Variants in NAALADL2 observed in about 807,000 individuals in gnomAD.
NAALADL2 encodes N-acetylated alpha-linked acidic dipeptidase like 2, also known as inactive N-acetylated-alpha-linked acidic dipeptidase-like protein 2.
In NAALADL2, 76 loss-of-function variants were observed where a neutral mutation model predicts 87.2. The observed-to-expected ratio is 0.87, with a 90% CI of 0.72 to 1.05. The LOEUF (loss-of-function observed/expected upper bound fraction) is 1.05. Ranked by LOEUF, NAALADL2 falls within the 50% of genes least tolerant of loss-of-function variation. NAALADL2 has a pLI of 0.00. For synonymous variants in NAALADL2, 354 were observed against 331.0 expected, an observed-to-expected ratio of 1.07 and a Z score of -0.75; for missense variants, 1,089 against 945.8, an observed-to-expected ratio of 1.15 and a Z score of -1.99.
chr3:174,598,708 C>T (rs1305677007), intron 2 of NAALADL2, among the ~76,000 whole-genome samples: 1 of 152,048 alleles, frequency 6.6e-6, no homozygotes. Context: ...TAGATTTGGA[C>T]AGCAAAAGTT....
At chr3:174,658,664 C>T (rs1396839245) in intron 2 of NAALADL2, among the ~76,000 whole-genome samples, 1 of 151,938 alleles carries the variant, frequency 6.6e-6, no homozygotes, top group Non-Finnish European at 1.5e-5. Context: ...TTAGCTTATA[C>T]TTTACTTTTA....
chr3:174,963,971 A>G (rs971842239), intron 1 of NAALADL2, among the ~76,000 whole-genome samples: 4 of 152,110 alleles, frequency 2.6e-5, no homozygotes, highest in East Asian at 1.9e-4. Flanking sequence ...AAGGAATCTA[A>G]GCATGGAATG....
At chr3:174,868,040 T>C (rs987907933) in intron 1 of NAALADL2, among the ~76,000 whole-genome samples, 1 of 152,018 alleles carries the variant, frequency 6.6e-6, no homozygotes, top group Non-Finnish European at 1.5e-5. Context: ...TTGGTTCTTA[T>C]TGGTAACAGG....
intron 2 of NAALADL2, among the ~76,000 whole-genome samples, chr3:174,628,621 T>C (rs1396626171): frequency 6.6e-6 from 1 of 152,192 alleles, no homozygotes; most frequent in African/African-American, 2.4e-5. Flanking sequence ...TTTATCAAGG[T>C]ATTCCCATAG....
intron 13 of NAALADL2, among the ~76,000 whole-genome samples, chr3:175,757,636 A>G (rs1747441541): frequency 6.6e-6 from 1 of 152,088 alleles, no homozygotes; most frequent in South Asian, 2.1e-4. Flanking sequence ...CATTATTATA[A>G]TAAGAGATAT....
chr3:174,858,185 AT>A (rs1482790814), upstream of NAALADL2, among the ~76,000 whole-genome samples: 1 of 148,088 alleles, frequency 6.8e-6, no homozygotes, highest in Non-Finnish European at 1.5e-5. Context: ...ATAATATATA[AT>A]TTGTAAAATA....
chr3:175,720,013 T>C (rs1234081976), intron 11 of NAALADL2, among the ~76,000 whole-genome samples: 2 of 152,214 alleles, frequency 1.3e-5, no homozygotes, highest in Non-Finnish European at 2.9e-5. Context: ...TACTTTCTAA[T>C]ATAAACTTGG....
At chr3:175,749,614 G>C (rs1023957439) in intron 12 of NAALADL2, among the ~76,000 whole-genome samples, 2 of 152,164 alleles carry the variant, frequency 1.3e-5, no homozygotes, top group African/African-American at 4.8e-5. Flanking sequence ...ACCCATAAAA[G>C]CAGAGCCCCC....
At chr3:174,775,814 A>G (rs1715139895) in intron 3 of NAALADL2, among the ~76,000 whole-genome samples, 1 of 152,146 alleles carries the variant, frequency 6.6e-6, no homozygotes, top group Non-Finnish European at 1.5e-5. Flanking sequence ...TTGAGGCAGA[A>G]CCAGATAAAG....
At chr3:175,068,681 GTGAAAA>G (rs1186007334) in intron 1 of NAALADL2, among the ~76,000 whole-genome samples, 1 of 152,216 alleles carries the variant, frequency 6.6e-6, no homozygotes, top group East Asian at 1.9e-4. Context: ...AACTCTGGTA[GTGAAAA>G]TGAAAATGAA....
At chr3:174,873,293 C>T (rs994541116) in intron 1 of NAALADL2, among the ~76,000 whole-genome samples, 22 of 151,894 alleles carry the variant, frequency 1.4e-4, no homozygotes, top group Non-Finnish European at 2.5e-4. Flanking sequence ...CTCGCTCTGT[C>T]GCCCAGGCTG....
chr3:175,181,797 G>GTA lies in NAALADL2; in HGVS notation c.546-52126_546-52125dup, dbSNP rs767734290. 2.6e-4 allele frequency among the ~76,000 whole-genome samples: 35 copies of GTA among 134,224 alleles called. 2 individuals carry two copies. The highest frequency in any genetic ancestry group is 1.3e-4 in the Non-Finnish European group (8 of 63,394). 88.1% of individuals were successfully genotyped at this position (134,224 alleles called of 152,430 possible). On this transcript the variant is annotated intron_variant, in intron 2 of 13. Coordinates refer to ENST00000454872, the MANE Select transcript of NAALADL2 (RefSeq NM_207015.3). The stretch of plus-strand genomic sequence containing the variant: ...TATATATGTATATATATGTGTGTGT[G>GTA]TATATATATGTATATATATATTCAC...
In NAALADL2 at chr3:174,470,818, C is replaced by T. The variant is rs371223767; in HGVS notation, c.-184+29786C>T. Among the ~76,000 whole-genome samples the T allele has an allele frequency of 4.6e-5, 7 of 152,116 alleles. No individual in the cohort carries two copies. The East Asian group carries it at 1.2e-3, about 25-fold the overall frequency. On this transcript the variant is annotated intron_variant, in intron 1 of 3. Coordinates refer to the NAALADL2 transcript ENST00000434257. Reference sequence around the variant, plus strand: ...ATTTCAGGGATCTCTGAATTTATTTCAGGGTGTCTGCATTTTAAATGAAAA... The same window carrying T: ...ATTTCAGGGATCTCTGAATTTATTTTAGGGTGTCTGCATTTTAAATGAAAA...
chr3:174,671,625 C>A (rs1296214614), intron 2 of NAALADL2, among the ~76,000 whole-genome samples: 4 of 152,184 alleles, frequency 2.6e-5, no homozygotes, highest in Non-Finnish European at 4.4e-5. Context: ...AAAATACTAT[C>A]CGGGAAAAAT....
chr3:174,927,998 A>G (rs1736337773), intron 1 of NAALADL2, among the ~76,000 whole-genome samples: 1 of 152,160 alleles, frequency 6.6e-6, no homozygotes, highest in African/African-American at 2.4e-5. Context: ...AAGACAGATA[A>G]CTATAGCCAC....
chr3:175,090,633 A>G (rs377741886), intron 1 of NAALADL2, among the ~76,000 whole-genome samples: 35 of 150,664 alleles, frequency 2.3e-4, no homozygotes, highest in African/African-American at 7.6e-4. Context: ...TTGACATTCT[A>G]TAAGCATACC....
At chr3:175,255,860 A>G (rs949169661) in intron 3 of NAALADL2, among the ~76,000 whole-genome samples, 1 of 152,176 alleles carries the variant, frequency 6.6e-6, no homozygotes, top group Non-Finnish European at 1.5e-5. Flanking sequence ...AGACTGCCAC[A>G]TGTGGTTGAA....
chr3:175,470,407 CTTAA>C, intron 8 of NAALADL2, among the ~76,000 whole-genome samples: 1 of 152,064 alleles, frequency 6.6e-6, no homozygotes, highest in South Asian at 2.1e-4. Context: ...TGTTAACCAG[CTTAA>C]TTTAATTATT....
At chr3:175,734,764 C>A (rs1477441119) in intron 11 of NAALADL2, among the ~76,000 whole-genome samples, 1 of 152,148 alleles carries the variant, frequency 6.6e-6, no homozygotes, top group East Asian at 1.9e-4. Context: ...CTGCACACAG[C>A]AGAGGGACCC....
Sources: allele counts gnomAD v4.1 joint callset (sites outside exome capture counted in the v4.1 genomes callset), GRCh38; gene constraint gnomAD v4.1.1; transcripts MANE v1.5; gene names NCBI Gene and HGNC (gene_info 2026-07-23, HGNC 2026-07-21).